The following B3GALT1 variants were observed in gnomAD, a reference collection of about 807,000 sequenced individuals.
The protein encoded by B3GALT1 is beta-1,3-galactosyltransferase 1.
Under a neutral mutation model 23.2 loss-of-function variants are expected in B3GALT1, and 10 were observed. The observed-to-expected ratio is 0.43, with a 90% confidence interval of 0.27 to 0.73. The LOEUF is 0.73. Ranked by LOEUF, B3GALT1 falls within the 30% of genes least tolerant of loss-of-function variation. The probability of loss-of-function intolerance (pLI) is 0.21; values close to 1 mark genes in which losing one functional copy is unlikely to be tolerated. For synonymous variants in B3GALT1, 156 were observed against 141.5 expected, an observed-to-expected ratio of 1.10 and a Z score of -0.73; for missense variants, 299 against 405.4, an observed-to-expected ratio of 0.74 and a Z score of 2.25.
At position 167,765,435 on chromosome 2, in the gene B3GALT1, G is replaced by A. The variant is rs184016063; in HGVS notation, c.-351-53237G>A. The stretch of plus-strand genomic sequence containing the variant: ...AGGAGGAAGTGGGAGCCCCTCAGGT[G>A]TAAGTTCTGTCAAGGTTGGTTGGAG... On this transcript the variant is annotated intron_variant, in intron 3 of 4. Coordinates refer to ENST00000392690, the MANE Select transcript of B3GALT1 (RefSeq NM_020981.4). Among the ~76,000 whole-genome samples the A allele has an allele frequency of 2.2e-3, 331 of 152,310 alleles. 2 individuals carry two copies. Among genetic ancestry groups the A allele is most frequent in the Middle Eastern group, 3.4e-3 (1 of 294 alleles).
At chr2:167,715,641 C>T in intron 3 of B3GALT1, 3 of 1,613,830 alleles carry the variant, frequency 1.9e-6, no homozygotes, top group African/African-American at 1.3e-5. Flanking sequence ...ATTTCATCCT[C>T]AAGTTCAGAA....
intron 1 of B3GALT1, among the ~76,000 whole-genome samples, chr2:167,327,052 A>C (rs1384260979): frequency 1.3e-5 from 2 of 152,080 alleles, no homozygotes; most frequent in Non-Finnish European, 2.9e-5. Flanking sequence ...GGTTTGTTGA[A>C]GATCGGTTTG....
chr2:167,365,790 C>T (rs560498794), intron 1 of B3GALT1, among the ~76,000 whole-genome samples: 5 of 152,214 alleles, frequency 3.3e-5, no homozygotes, highest in Admixed American at 3.3e-4. Context: ...ACTGATACAG[C>T]ACATAAAAGA....
At chr2:167,601,619 G>A (rs1458958989) in intron 2 of B3GALT1, among the ~76,000 whole-genome samples, 1 of 152,138 alleles carries the variant, frequency 6.6e-6, no homozygotes, top group East Asian at 1.9e-4. Flanking sequence ...CATTATTACA[G>A]GTGAGGGAAC....
intron 3 of B3GALT1, among the ~76,000 whole-genome samples, chr2:167,722,287 G>C (rs143854458): frequency 2.5e-4 from 38 of 152,276 alleles, no homozygotes; most frequent in African/African-American, 8.9e-4. Context: ...ATACTTTACG[G>C]ACTGAATACT....
chr2:167,670,367 G>A (rs963999846), intron 3 of B3GALT1, among the ~76,000 whole-genome samples: 6 of 152,168 alleles, frequency 3.9e-5, no homozygotes, highest in Non-Finnish European at 5.9e-5. Flanking sequence ...AAAAGTCTGA[G>A]ACCTCCAAGT....
At chr2:167,594,933 T>A (rs140280849) in intron 2 of B3GALT1, among the ~76,000 whole-genome samples, 1 of 151,916 alleles carries the variant, frequency 6.6e-6, no homozygotes, top group African/African-American at 2.4e-5. Flanking sequence ...AACAAAAACT[T>A]GGATAATGGA....
intron 2 of B3GALT1, among the ~76,000 whole-genome samples, chr2:167,561,964 G>C (rs1367876455): frequency 6.6e-6 from 1 of 152,164 alleles, no homozygotes; most frequent in Non-Finnish European, 1.5e-5. Context: ...TATGAGGCCA[G>C]CATCATCCTG....
chr2:167,622,573 T>C (rs1685277572), intron 2 of B3GALT1, among the ~76,000 whole-genome samples: 1 of 152,116 alleles, frequency 6.6e-6, no homozygotes, highest in Non-Finnish European at 1.5e-5. Context: ...TTCTATAACT[T>C]GGAGTCATAA....
intron 2 of B3GALT1, among the ~76,000 whole-genome samples, chr2:167,506,748 A>C (rs1056729006): frequency 5.6e-5 from 8 of 141,784 alleles, no homozygotes; most frequent in African/African-American, 2.2e-4. Flanking sequence ...TAAAATAATC[A>C]TGTTGCTTGG....
At chr2:167,507,357 A>C (rs903760428) in intron 2 of B3GALT1, among the ~76,000 whole-genome samples, 10 of 151,900 alleles carry the variant, frequency 6.6e-5, no homozygotes, top group African/African-American at 2.4e-4. Flanking sequence ...AAATACAAAA[A>C]TTAGCTAGGT....
chr2:167,792,889 C>A (rs12992718), intron 3 of B3GALT1, among the ~76,000 whole-genome samples: 14,373 of 141,182 alleles, frequency 0.1, 1,029 homozygotes, highest in African/African-American at 0.21. Context: ...CTAAGGAGGT[C>A]AAATGGATAG....
At chr2:167,667,432 G>C (rs1294810461) in intron 3 of B3GALT1, among the ~76,000 whole-genome samples, 1 of 151,928 alleles carries the variant, frequency 6.6e-6, no homozygotes. Context: ...ATGTGTCTTG[G>C]AGTTGCTCTT....
chr2:167,537,231 C>T (rs927270077), intron 2 of B3GALT1, among the ~76,000 whole-genome samples: 1 of 152,046 alleles, frequency 6.6e-6, no homozygotes, highest in African/African-American at 2.4e-5. Context: ...CATCAGGTCT[C>T]ATGAGACTTA....
At chr2:167,360,072 G>C (rs1346458260) in intron 1 of B3GALT1, among the ~76,000 whole-genome samples, 1 of 151,968 alleles carries the variant, frequency 6.6e-6, no homozygotes, top group African/African-American at 2.4e-5. Flanking sequence ...AAAACATCCA[G>C]ACAGTTATTT....
At chr2:167,565,937 G>C (rs1014615917) in intron 2 of B3GALT1, among the ~76,000 whole-genome samples, 12 of 152,082 alleles carry the variant, frequency 7.9e-5, no homozygotes, top group African/African-American at 2.2e-4. Flanking sequence ...GTGGAAGTCA[G>C]TGTGGCGATT....
At chr2:167,758,468 G>C (rs1687851787) in intron 3 of B3GALT1, among the ~76,000 whole-genome samples, 2 of 152,132 alleles carry the variant, frequency 1.3e-5, no homozygotes, top group African/African-American at 4.8e-5. Context: ...AATGGGCTCG[G>C]CAATTTGCAT....
rs1333142250 is a variant in B3GALT1 at position 167,816,696 on chromosome 2, T to C, written c.-351-1976T>C. ...AATTCTACAAAAGCAAGGAAATGTT[T>C]TAAAAATATCGTAGAGTAAAATCTT... On this transcript the variant is annotated intron_variant, in intron 3 of 4. Coordinates refer to ENST00000392690, the MANE Select transcript of B3GALT1 (RefSeq NM_020981.4). Among the ~76,000 whole-genome samples, 3 of 152,246 alleles carry C rather than the reference T, an allele frequency of 2.0e-5. No homozygotes were observed. The South Asian group carries it at 6.2e-4, about 31-fold the overall frequency.
chr2:167,655,236 T>C (rs1377900472), intron 3 of B3GALT1, among the ~76,000 whole-genome samples: 2 of 152,198 alleles, frequency 1.3e-5, no homozygotes, highest in Admixed American at 1.3e-4. Flanking sequence ...TGCCTATCTC[T>C]GTAATCTATA....
Sources: allele counts gnomAD v4.1 joint callset (sites outside exome capture counted in the v4.1 genomes callset), GRCh38; gene constraint gnomAD v4.1.1; transcripts MANE v1.5; gene names NCBI Gene and HGNC (gene_info 2026-07-23, HGNC 2026-07-21).